The following AFG3L2 variants were observed in gnomAD, a reference collection of about 807,000 sequenced individuals.
AFG3L2 encodes AFG3 like matrix AAA peptidase subunit 2.
In AFG3L2, 54 loss-of-function variants were observed where a neutral mutation model predicts 94.5. The observed-to-expected ratio is 0.57, with a 90% CI of 0.46 to 0.72. The LOEUF is 0.72. Ranked by LOEUF, AFG3L2 falls within the 30% of genes least tolerant of loss-of-function variation. The pLI is 0.00. For missense variants in AFG3L2, 754 were observed against 994.9 expected (o/e 0.76, Z 3.26); for synonymous variants, 377 against 365.5 (o/e 1.03, Z -0.36).
At chr18:12,361,886 AC>A (rs1221017420) in intron 6 of AFG3L2, among the ~76,000 whole-genome samples, 2 of 152,364 alleles carry the variant, frequency 1.3e-5, no homozygotes, top group Non-Finnish European at 2.9e-5. Context: ...GAATAGATTA[AC>A]CACAGAGGAT....
At chr18:12,353,986 C>A (rs1485942868) in intron 9 of AFG3L2, among the ~76,000 whole-genome samples, 1 of 152,112 alleles carries the variant, frequency 6.6e-6, no homozygotes, top group Non-Finnish European at 1.5e-5. Flanking sequence ...TCGTCTGCCA[C>A]CCACCCCACC....
intron 8 of AFG3L2, among the ~76,000 whole-genome samples, chr18:12,358,425 C>T (rs747654244): frequency 6.6e-6 from 1 of 152,098 alleles, no homozygotes; most frequent in South Asian, 2.1e-4. Flanking sequence ...AAAAGGAAGA[C>T]GAATCAAGAA....
chr18:12,337,230 A>G lies in AFG3L2; in HGVS notation c.2175+111T>C, dbSNP rs761687402. 3 of 948,962 alleles carry G rather than the reference A, an allele frequency of 3.2e-6. No homozygotes were observed. In the Admixed American group the frequency reaches 5.2e-5, roughly 16 times the overall value. 58.8% of individuals were successfully genotyped at this position (948,962 alleles called of 1,614,324 possible). On this transcript the variant is annotated intron_variant, in intron 16 of 16. Transcript: ENST00000269143. ...ATCAGAACGAACGGACCCATGGGTGAGCCAGAGAGAGGGAATTCTGCAGTC... is the reference window on the plus strand; with the variant it reads ...ATCAGAACGAACGGACCCATGGGTGGGCCAGAGAGAGGGAATTCTGCAGTC...
chr18:12,374,557 C>A (rs542240038), intron 1 of AFG3L2, among the ~76,000 whole-genome samples: 1 of 152,216 alleles, frequency 6.6e-6, no homozygotes, highest in South Asian at 2.1e-4. Flanking sequence ...GTATCAGGAC[C>A]GCGAACCCCC....
At position 12,351,067 on chromosome 18, in the gene AFG3L2, T is replaced by C. The variant is rs746851204; in HGVS notation, c.1552+18A>G. 2 of 1,612,260 alleles carry C rather than the reference T, an allele frequency of 1.2e-6. No homozygotes were observed. Among genetic ancestry groups the C allele is most frequent in the Admixed American group, 1.7e-5 (1 of 60,024 alleles). Reference sequence around the variant, plus strand: ...TTTAATATGCTTCTAAATAGGGTCCTCGTTATTTTCCACTCACCTGAAAAC... The same window carrying C: ...TTTAATATGCTTCTAAATAGGGTCCCCGTTATTTTCCACTCACCTGAAAAC... On this transcript the variant is annotated intron_variant, in intron 12 of 16. Coordinates refer to ENST00000269143, the MANE Select transcript of AFG3L2 (RefSeq NM_006796.3).
chr18:12,370,077 A>AAAAAC, intron 3 of AFG3L2, among the ~76,000 whole-genome samples: 1 of 151,098 alleles, frequency 6.6e-6, no homozygotes. Context: ...AAAAAAAAAA[A>AAAAAC]AGCAAGGAAG....
intron 3 of AFG3L2, among the ~76,000 whole-genome samples, chr18:12,368,166 TC>T (rs1908867178): frequency 6.9e-6 from 1 of 144,140 alleles, no homozygotes; most frequent in African/African-American, 2.6e-5. Flanking sequence ...AAACTCCGTC[TC>T]AAAAAAAAAT....
At chr18:12,350,808 C>G (rs1483957365) in intron 12 of AFG3L2, among the ~76,000 whole-genome samples, 1 of 152,042 alleles carries the variant, frequency 6.6e-6, no homozygotes, top group Non-Finnish European at 1.5e-5. Flanking sequence ...ATTAGCTGGG[C>G]ATGGTGGTAC....
At chr18:12,340,689 G>A (rs376501337) in intron 14 of AFG3L2, among the ~76,000 whole-genome samples, 4 of 152,074 alleles carry the variant, frequency 2.6e-5, no homozygotes, top group South Asian at 2.1e-4. Context: ...TCCACCTCCC[G>A]GGTTCAAGTG....
intron 16 of AFG3L2, among the ~76,000 whole-genome samples, chr18:12,333,465 G>A (rs1452926315): frequency 6.7e-6 from 1 of 149,530 alleles, no homozygotes; most frequent in East Asian, 2.0e-4. Context: ...CCTGGGCTCA[G>A]GTGATCCTCC....
At chr18:12,338,642 C>G (rs578179168) in intron 15 of AFG3L2, among the ~76,000 whole-genome samples, 2 of 152,080 alleles carry the variant, frequency 1.3e-5, no homozygotes, top group Non-Finnish European at 2.9e-5. Context: ...GACCTCCTCC[C>G]ACCTAAGAGA....
rs1233396292 is a variant in AFG3L2, at chr18:12,351,312, A to C, written c.1420T>G (p.Phe474Val). 1 of 1,614,204 alleles carries C rather than the reference A, an allele frequency of 6.2e-7. No individual in the cohort carries two copies. Among genetic ancestry groups the C allele is most frequent in the Admixed American group, 1.7e-5 (1 of 60,022 alleles). Residue 474 changes from phenylalanine (F) to valine (V), a missense_variant, in exon 11 of 17, where the codon TTT becomes GTT. Physicochemically the swap from Phe to Val is conservative, Grantham distance 50. Coordinates refer to ENST00000269143, the MANE Select transcript of AFG3L2 (RefSeq NM_006796.3). ...LRPGRFDRQI[F>V]IGPPDIKGRA... ...CCAGCAAACATCATCTCACCAATAA[A>C]GATCTGCCTGTCGAAACGCCCCGGC...
chr18:12,377,185 G>A lies in AFG3L2; in HGVS notation c.-103C>T, dbSNP rs1227688874. 5 of 887,890 alleles carry A rather than the reference G, an allele frequency of 5.6e-6. No homozygotes were observed. Among genetic ancestry groups the A allele is most frequent in the African/African-American group, 3.6e-5 (2 of 55,394 alleles). 55.0% of individuals were successfully genotyped at this position (887,890 alleles called of 1,614,324 possible). ...GCTCGGCTCGGGGAAAGGCCGCCAG[G>A]CAGCGAAGCGCGCCGGCGGCTCACG... On this transcript the variant is annotated 5_prime_UTR_variant, in exon 1 of 17. Transcript: ENST00000269143.
intron 9 of AFG3L2, among the ~76,000 whole-genome samples, 163 bp downstream of exon 9, chr18:12,356,531 A>G (rs545495469): frequency 3.3e-5 from 5 of 152,220 alleles, no homozygotes; most frequent in Non-Finnish European, 7.3e-5. Context: ...TGGAAGTCAC[A>G]GGCCTTGCTG....
At chr18:12,376,590 C>T (rs763968393) in intron 1 of AFG3L2, among the ~76,000 whole-genome samples, 7 of 152,232 alleles carry the variant, frequency 4.6e-5, no homozygotes, top group Non-Finnish European at 8.8e-5. Flanking sequence ...CAAAACCCGT[C>T]CTTGCGACTA....
chr18:12,351,395 TTTG>T lies in AFG3L2; in HGVS notation c.1334_1336del (p.Thr445del), dbSNP rs749105981. On this transcript the variant is annotated inframe_deletion, in exon 11 of 17. Transcript: ENST00000269143. Reference sequence around the variant, plus strand: ...ATTGGTGCCGGCCAAAATGACGACATTTGTTGTTGTATTAAAACCTGAAAGATA... The same window carrying T: ...ATTGGTGCCGGCCAAAATGACGACATTTGTTGTATTAAAACCTGAAAGATA... 4.7e-5 allele frequency: 76 copies of T among 1,613,982 alleles called. No homozygotes were observed. Among genetic ancestry groups the T allele is most frequent in the Non-Finnish European group, 6.1e-5 (72 of 1,180,022 alleles).
At chr18:12,333,206 AATAT>A (rs1276477241) in intron 16 of AFG3L2, among the ~76,000 whole-genome samples, 12 of 122,218 alleles carry the variant, frequency 9.8e-5, no homozygotes, top group East Asian at 2.1e-4. Flanking sequence ...ATAATAATCT[AATAT>A]ATAATCTATT....
At chr18:12,376,834 G>T (rs1598843010) in intron 1 of AFG3L2, 135 bp downstream of exon 1, 1 of 593,888 alleles carries the variant, frequency 1.7e-6, no homozygotes, top group African/African-American at 2.0e-5. Flanking sequence ...GACAGCGCAG[G>T]GCGCCCAGGC....
At chr18:12,353,272 T>C (rs1305155310) in intron 9 of AFG3L2, 114 bp from the exon 10 acceptor site, 3 of 1,319,774 alleles carry the variant, frequency 2.3e-6, no homozygotes, top group Admixed American at 3.9e-5. Flanking sequence ...CCCAGCACTG[T>C]GGGAGGCCGA....
Sources: allele counts gnomAD v4.1 joint callset (sites outside exome capture counted in the v4.1 genomes callset), GRCh38; gene constraint gnomAD v4.1.1; transcripts MANE v1.5; gene names NCBI Gene and HGNC (gene_info 2026-07-23, HGNC 2026-07-21).